The following RAPGEF5 variants were observed in gnomAD, a reference collection of about 807,000 sequenced individuals.
The protein encoded by RAPGEF5 is Rap guanine nucleotide exchange factor 5.
Under a neutral mutation model 125.2 loss-of-function variants are expected in RAPGEF5, and 65 were observed. The ratio of observed to expected loss-of-function variants is 0.52; its 90% confidence interval spans 0.43 to 0.64. The LOEUF is 0.64. Ranked by LOEUF, RAPGEF5 falls within the 30% of genes least tolerant of loss-of-function variation. RAPGEF5 has a pLI of 0.00. For synonymous variants in RAPGEF5, 391 were observed against 385.9 expected, an observed-to-expected ratio of 1.01 and a Z score of -0.16; for missense variants, 958 against 1,048.1, an observed-to-expected ratio of 0.91 and a Z score of 1.19.
intron 7 of RAPGEF5, among the ~76,000 whole-genome samples, chr7:22,244,913 T>C (rs984120006): frequency 2.6e-5 from 4 of 152,230 alleles, no homozygotes; most frequent in African/African-American, 9.6e-5. Flanking sequence ...TATTGTGGTA[T>C]GGCTGTACTA....
chr7:22,275,639 A>T (rs1562502835), intron 6 of RAPGEF5, among the ~76,000 whole-genome samples: 1 of 152,186 alleles, frequency 6.6e-6, no homozygotes, highest in Non-Finnish European at 1.5e-5. Context: ...ATTGTTCTAA[A>T]GATTTGTTTT....
chr7:22,151,917 T>C (rs1338102963), intron 17 of RAPGEF5, among the ~76,000 whole-genome samples: 3 of 152,186 alleles, frequency 2.0e-5, no homozygotes, highest in Admixed American at 6.6e-5. Flanking sequence ...CCTTTGACCA[T>C]TTTCTACCAC....
chr7:22,194,419 A>G (rs1785097031), intron 9 of RAPGEF5, among the ~76,000 whole-genome samples: 1 of 152,206 alleles, frequency 6.6e-6, no homozygotes, highest in Admixed American at 6.5e-5. Context: ...ATGTTTATTA[A>G]ACACTCTATT....
intron 1 of RAPGEF5, among the ~76,000 whole-genome samples, chr7:22,355,262 T>G (rs2128390549): frequency 6.6e-6 from 1 of 152,306 alleles, no homozygotes. Context: ...ATTGACAAGG[T>G]ATACGACACC....
chr7:22,284,193 T>A (rs1174419259), intron 6 of RAPGEF5, among the ~76,000 whole-genome samples: 1 of 152,028 alleles, frequency 6.6e-6, no homozygotes, highest in East Asian at 1.9e-4. Flanking sequence ...TGACAAGCAA[T>A]AGAAATATAC....
At chr7:22,284,529 T>G (rs1782752140) in intron 6 of RAPGEF5, among the ~76,000 whole-genome samples, 1 of 152,194 alleles carries the variant, frequency 6.6e-6, no homozygotes, top group Admixed American at 6.5e-5. Flanking sequence ...TCAATCTGCC[T>G]GGCCCTTCCC....
At chr7:22,197,900 G>GGT (rs113243953) in intron 9 of RAPGEF5, among the ~76,000 whole-genome samples, 23 of 145,134 alleles carry the variant, frequency 1.6e-4, no homozygotes, top group South Asian at 1.3e-3. Context: ...TTTTGGGGGG[G>GGT]GGTGGTAGGA....
chr7:22,305,754 A>G (rs115797688), intron 5 of RAPGEF5, among the ~76,000 whole-genome samples: 306 of 152,168 alleles, frequency 2.0e-3, no homozygotes, highest in African/African-American at 6.7e-3. Flanking sequence ...TACTGTGTTC[A>G]TGAGTTCAGT....
At chr7:22,349,945 T>C (rs186846987) in intron 1 of RAPGEF5, among the ~76,000 whole-genome samples, 60 of 152,320 alleles carry the variant, frequency 3.9e-4, no homozygotes, top group Admixed American at 3.2e-3. Context: ...GAAGAAGACC[T>C]ACCACAGTGG....
chr7:22,273,375 C>T (rs142125069), intron 6 of RAPGEF5, among the ~76,000 whole-genome samples: 5,121 of 152,008 alleles, frequency 0.034, 229 homozygotes, highest in East Asian at 0.16. Flanking sequence ...CCCACCACCG[C>T]GCCCGGCTAA....
At chr7:22,355,810 C>T (rs944814227) in intron 1 of RAPGEF5, among the ~76,000 whole-genome samples, 3 of 152,202 alleles carry the variant, frequency 2.0e-5, no homozygotes, top group African/African-American at 7.2e-5. Flanking sequence ...CAAGTTTACA[C>T]AAACCCATCT....
intron 11 of RAPGEF5, among the ~76,000 whole-genome samples, chr7:22,184,757 A>C (rs984091893): frequency 1.3e-5 from 2 of 152,246 alleles, no homozygotes; most frequent in Non-Finnish European, 2.9e-5. Flanking sequence ...GCAGTGTAAA[A>C]GCATCAGTTC....
At chr7:22,334,303 T>C (rs1019184026) in intron 1 of RAPGEF5, among the ~76,000 whole-genome samples, 4 of 152,134 alleles carry the variant, frequency 2.6e-5, no homozygotes, top group African/African-American at 4.8e-5. Flanking sequence ...CATGAAAACA[T>C]AGTATTAATA....
At chr7:22,317,903 G>T in intron 2 of RAPGEF5, 84 bp downstream of exon 2, 1 of 1,524,382 alleles carries the variant, frequency 6.6e-7, no homozygotes, top group South Asian at 1.2e-5. Flanking sequence ...AGGAGCAAAG[G>T]GAACAACTGT....
rs749263507 is a variant in RAPGEF5 at position 22,157,850 on chromosome 7, C to G, written c.1557+5G>C. ...CTAATTTTAGGTATAGAAGCATCTG[C>G]TTACCTTTTTTTGTGGTGAATATTC... is the stretch of plus-strand genomic sequence containing the variant. On this transcript the variant is annotated splice_donor_5th_base_variant and intron_variant, in intron 15 of 25. Coordinates refer to ENST00000665637, the MANE Select transcript of RAPGEF5 (RefSeq NM_012294.5). The G allele has an allele frequency of 2.5e-6, 4 of 1,611,568 alleles. No homozygotes were observed.
At chr7:22,181,757 G>A (rs1050749097) in intron 11 of RAPGEF5, among the ~76,000 whole-genome samples, 2 of 152,134 alleles carry the variant, frequency 1.3e-5, no homozygotes, top group East Asian at 1.9e-4. Context: ...CAAAAAAGCT[G>A]CAAACTGAAT....
intron 6 of RAPGEF5, among the ~76,000 whole-genome samples, chr7:22,289,920 G>T: frequency 6.6e-6 from 1 of 152,224 alleles, no homozygotes. Context: ...CATGCAAGAC[G>T]TACCTGGTTC....
chr7:22,201,802 C>A (rs1332193889), intron 9 of RAPGEF5, among the ~76,000 whole-genome samples: 1 of 152,106 alleles, frequency 6.6e-6, no homozygotes, highest in East Asian at 1.9e-4. Flanking sequence ...GCTTCTAGTT[C>A]CAATATAAAA....
At chr7:22,254,674 T>C (rs1033082125) in intron 7 of RAPGEF5, among the ~76,000 whole-genome samples, 3 of 151,374 alleles carry the variant, frequency 2.0e-5, no homozygotes, top group African/African-American at 7.3e-5. Flanking sequence ...TCAACCTTTC[T>C]GGCACCAGGG....
Sources: gnomAD v4.1 joint callset for allele counts (sites outside exome capture counted in the v4.1 genomes callset) on GRCh38, gnomAD v4.1.1 for gene constraint, MANE v1.5 for transcripts, NCBI Gene and HGNC (gene_info 2026-07-23, HGNC 2026-07-21) for gene names.